GALNTL6: variants seen among roughly 807,000 people sequenced by gnomAD.
GALNTL6 encodes the protein polypeptide N-acetylgalactosaminyltransferase-like 6.
In GALNTL6, 46 loss-of-function variants were observed where a neutral mutation model predicts 73.7. That is an observed-to-expected ratio of 0.62 (90% CI 0.49 to 0.80). GALNTL6 has a LOEUF of 0.80. Ranked by LOEUF, GALNTL6 falls within the 30% of genes least tolerant of loss-of-function variation. The pLI is 0.00. For synonymous variants in GALNTL6, 259 were observed against 263.7 expected (o/e 0.98, Z 0.17); for missense variants, 604 against 755.0 (o/e 0.80, Z 2.34).
chr4:172,607,312 A>G (rs1280487920), intron 5 of GALNTL6, among the ~76,000 whole-genome samples: 5 of 152,124 alleles, frequency 3.3e-5, no homozygotes, highest in African/African-American at 1.2e-4. Flanking sequence ...ACCCTCAAGT[A>G]GACCCTGGTG....
chr4:172,026,405 A>G (rs1741580013), intron 2 of GALNTL6, among the ~76,000 whole-genome samples: 1 of 152,116 alleles, frequency 6.6e-6, no homozygotes, highest in South Asian at 2.1e-4. Flanking sequence ...AAGATAACAA[A>G]TTTTGTAATC....
At chr4:172,930,534 A>G (rs1272385730) in intron 8 of GALNTL6, among the ~76,000 whole-genome samples, 1 of 152,218 alleles carries the variant, frequency 6.6e-6, no homozygotes, top group Non-Finnish European at 1.5e-5. Flanking sequence ...TGATTTTACA[A>G]GATTATTGAA....
chr4:172,185,924 C>CA lies in GALNTL6; in HGVS notation c.139-43727dup, dbSNP rs1396560100. Among the ~76,000 whole-genome samples, 64 of 152,198 alleles carry CA rather than the reference C, an allele frequency of 4.2e-4. 1 individual carries two copies. Among genetic ancestry groups the CA allele is most frequent in the Non-Finnish European group, 2.9e-5 (2 of 67,986 alleles). On this transcript the variant is annotated intron_variant, in intron 2 of 12. Coordinates refer to ENST00000506823, the MANE Select transcript of GALNTL6 (RefSeq NM_001034845.3). ...CTATGCTAATGCAAAATAGGCGCAACAAAAATTGCAATTTCTCAGAAGGAA... is the reference window on the plus strand; with the variant it reads ...CTATGCTAATGCAAAATAGGCGCAACAAAAAATTGCAATTTCTCAGAAGGAA...
intron 5 of GALNTL6, among the ~76,000 whole-genome samples, chr4:172,564,177 A>C (rs759828926): frequency 5.9e-5 from 9 of 152,202 alleles, no homozygotes; most frequent in Non-Finnish European, 1.0e-4. Context: ...ATTATGTTGC[A>C]TTCTATTGGT....
At chr4:172,464,420 G>A (rs1004750112) in intron 5 of GALNTL6, among the ~76,000 whole-genome samples, 1 of 152,006 alleles carries the variant, frequency 6.6e-6, no homozygotes, top group Non-Finnish European at 1.5e-5. Flanking sequence ...AATTCAAGCC[G>A]AATGAGGCCA....
chr4:172,370,070 G>T (rs1389281856), intron 5 of GALNTL6, among the ~76,000 whole-genome samples: 1 of 152,146 alleles, frequency 6.6e-6, no homozygotes, highest in African/African-American at 2.4e-5. Flanking sequence ...TGGGAATTTG[G>T]CCGATGACCA....
At chr4:172,680,097 G>A (rs770593670) in intron 5 of GALNTL6, among the ~76,000 whole-genome samples, 4 of 152,016 alleles carry the variant, frequency 2.6e-5, no homozygotes, top group Non-Finnish European at 4.4e-5. Context: ...TCTTAAAATG[G>A]ACACTAATAA....
intron 3 of GALNTL6, among the ~76,000 whole-genome samples, chr4:172,289,371 G>A (rs763612121): frequency 2.0e-5 from 3 of 152,064 alleles, no homozygotes; most frequent in African/African-American, 4.8e-5. Flanking sequence ...CTCTTTCAGG[G>A]ATCAGCTCCT....
intron 3 of GALNTL6, among the ~76,000 whole-genome samples, chr4:172,263,765 A>C (rs971075698): frequency 2.6e-5 from 4 of 151,456 alleles, no homozygotes; most frequent in African/African-American, 9.7e-5. Flanking sequence ...TTGAATAATT[A>C]TGTTAATTGA....
At chr4:172,419,777 G>C (rs1173148270) in intron 5 of GALNTL6, among the ~76,000 whole-genome samples, 1 of 152,128 alleles carries the variant, frequency 6.6e-6, no homozygotes, top group Non-Finnish European at 1.5e-5. Context: ...GTGTGACTAA[G>C]AGACATGTCC....
intron 7 of GALNTL6, among the ~76,000 whole-genome samples, chr4:172,876,224 T>C (rs996924697): frequency 1.3e-5 from 2 of 152,206 alleles, no homozygotes; most frequent in Admixed American, 6.5e-5. Context: ...CAGTATTATA[T>C]GTCATTATGT....
chr4:173,016,313 C>T (rs965157393), intron 11 of GALNTL6, among the ~76,000 whole-genome samples: 3 of 152,146 alleles, frequency 2.0e-5, no homozygotes, highest in Non-Finnish European at 2.9e-5. Context: ...CTCCAGACCC[C>T]AGTATGGTAG....
chr4:172,296,161 T>C (rs1209098435), intron 3 of GALNTL6, among the ~76,000 whole-genome samples: 1 of 152,162 alleles, frequency 6.6e-6, no homozygotes, highest in Non-Finnish European at 1.5e-5. Flanking sequence ...ATTCCTAGCT[T>C]TCTGAAAATT....
rs143271630 is a variant in GALNTL6, at chr4:173,008,972, C to A, written c.1372-206C>A. Among the ~76,000 whole-genome samples the A allele has an allele frequency of 3.5e-3, 533 of 152,284 alleles. 3 individuals are homozygous for A. The highest frequency in any genetic ancestry group is 0.012 in the African/African-American group (504 of 41,562). ...TATAACTATATTTCTTTCCAGAATT[C>A]TTGTTAAGCCTGTGAAGATGGCTTC... On this transcript the variant is annotated intron_variant, in intron 10 of 12. Transcript: ENST00000506823.
chr4:172,349,832 T>A (rs200361840), intron 5 of GALNTL6, among the ~76,000 whole-genome samples: 979 of 66,100 alleles, frequency 0.015, 10 homozygotes, highest in Middle Eastern at 0.065. Flanking sequence ...TAAAAAAAAA[T>A]ATATATATAT....
At chr4:172,686,672 T>C (rs1440256308) in intron 5 of GALNTL6, among the ~76,000 whole-genome samples, 1 of 152,210 alleles carries the variant, frequency 6.6e-6, no homozygotes, top group Non-Finnish European at 1.5e-5. Flanking sequence ...GTGAATGAAT[T>C]ATACCTATTC....
chr4:172,442,689 C>A (rs1272067004), intron 5 of GALNTL6, among the ~76,000 whole-genome samples: 5 of 152,094 alleles, frequency 3.3e-5, no homozygotes, highest in Non-Finnish European at 7.4e-5. Flanking sequence ...AAAATGAGTC[C>A]ATCCATTCAG....
At chr4:172,656,482 G>A (rs1731021237) in intron 5 of GALNTL6, among the ~76,000 whole-genome samples, 1 of 152,196 alleles carries the variant, frequency 6.6e-6, no homozygotes, top group African/African-American at 2.4e-5. Flanking sequence ...TGGTGCTGGT[G>A]AGACAAATGA....
chr4:171,861,047 T>G (rs142684579), intron 2 of GALNTL6, among the ~76,000 whole-genome samples: 1 of 152,306 alleles, frequency 6.6e-6, no homozygotes, highest in Non-Finnish European at 1.5e-5. Flanking sequence ...CCATGAAGAT[T>G]TATGACCAAC....
Sources: allele counts gnomAD v4.1 joint callset (sites outside exome capture counted in the v4.1 genomes callset), GRCh38; gene constraint gnomAD v4.1.1; transcripts MANE v1.5; gene names NCBI Gene and HGNC (gene_info 2026-07-23, HGNC 2026-07-21).